Variants in PABPC4L observed in about 807,000 individuals in gnomAD.
The protein encoded by PABPC4L is polyadenylate-binding protein 4-like.
For synonymous variants in PABPC4L, 169 were observed against 164.1 expected (o/e 1.03, Z -0.23); for missense variants, 452 against 451.4 (o/e 1.00, Z -0.01).
chr4:133,959,160 T>C, the PABPC4L span, among the ~76,000 whole-genome samples: 1 of 131,258 alleles, frequency 7.6e-6, no homozygotes, highest in Non-Finnish European at 1.5e-5. Context: ...TCAGCAAAAT[T>C]TCTTTAAGTA....
chr4:134,016,002 A>G, the PABPC4L span, among the ~76,000 whole-genome samples: 1 of 151,996 alleles, frequency 6.6e-6, no homozygotes, highest in Non-Finnish European at 1.5e-5. Context: ...TCCGGATACC[A>G]CACCTGACCC....
At chr4:134,164,045 C>T in the PABPC4L span, among the ~76,000 whole-genome samples, 5 of 151,458 alleles carry the variant, frequency 3.3e-5, no homozygotes, top group Non-Finnish European at 7.4e-5. Flanking sequence ...GGGCGGATCA[C>T]GAGGTCAGGA....
chr4:134,018,156 A>G, the PABPC4L span, among the ~76,000 whole-genome samples: 3 of 152,108 alleles, frequency 2.0e-5, no homozygotes, highest in Middle Eastern at 0.01. Context: ...ATCCTGGCTC[A>G]AAAGCTCCCT....
the PABPC4L span, among the ~76,000 whole-genome samples, chr4:134,117,003 G>A: frequency 1.3e-5 from 2 of 151,354 alleles, no homozygotes; most frequent in East Asian, 3.9e-4. Context: ...CTCTAGGTTT[G>A]TTCTTTCTTT....
At chr4:134,112,373 C>T in the PABPC4L span, among the ~76,000 whole-genome samples, 4 of 151,882 alleles carry the variant, frequency 2.6e-5, no homozygotes, top group African/African-American at 9.6e-5. Context: ...ATGATTTTAT[C>T]GTTGTCTCTT....
chr4:134,157,410 G>A, the PABPC4L span, among the ~76,000 whole-genome samples: 2 of 151,574 alleles, frequency 1.3e-5, no homozygotes, highest in Non-Finnish European at 3.0e-5. Flanking sequence ...ATTGATGACA[G>A]ATGTTCAGTA....
the PABPC4L span, among the ~76,000 whole-genome samples, chr4:134,100,271 T>C: frequency 6.6e-6 from 1 of 151,796 alleles, no homozygotes; most frequent in African/African-American, 2.4e-5. Flanking sequence ...TTCATTCTGA[T>C]TGAATTAAGA....
At chr4:134,120,956 A>G in the PABPC4L span, among the ~76,000 whole-genome samples, 7 of 151,136 alleles carry the variant, frequency 4.6e-5, no homozygotes, top group East Asian at 7.7e-4. Context: ...GAGCTTTTTC[A>G]CATTTCTAAA....
In PABPC4L at chr4:134,200,101, C is replaced by A. The variant is rs778470961; in HGVS notation, c.919G>T (p.Glu307Ter). 2.0e-5 allele frequency: 31 copies of A among 1,551,534 alleles called. No individual in the cohort carries two copies. Among genetic ancestry groups the A allele is most frequent in the Non-Finnish European group, 2.7e-5 (31 of 1,146,958 alleles). The change falls in exon 2 of 2, where the codon GAA (glutamate) becomes TAA (stop). Residue 307 changes from glutamate (E) to a stop codon, truncating the protein, a stop_gained. Transcript: ENST00000421491. LOFTEE classifies it low-confidence loss of function (END_TRUNC). Reference protein sequence around the residue: ...IKNLDDTIDDEKLRNEFSSFG... With the variant: ...IKNLDDTIDD Reference sequence around the variant, plus strand: ...GAAGAAAATTCGTTTCGTAGTTTTTCATCATCGATGGTGTCATCAAGGTTC... The same window carrying A: ...GAAGAAAATTCGTTTCGTAGTTTTTAATCATCGATGGTGTCATCAAGGTTC...
chr4:133,997,523 A>G, the PABPC4L span, among the ~76,000 whole-genome samples: 1 of 152,110 alleles, frequency 6.6e-6, no homozygotes, highest in Admixed American at 6.6e-5. Context: ...AACCTTTTGT[A>G]TAGTTGCCAT....
At chr4:134,193,228 A>G (rs1267512461), downstream of PABPC4L, among the ~76,000 whole-genome samples, 1 of 151,654 alleles carries the variant, frequency 6.6e-6, no homozygotes, top group African/African-American at 2.4e-5. Flanking sequence ...CTTTTTAAAG[A>G]GTTGAAACTT....
At chr4:134,118,054 G>C in the PABPC4L span, among the ~76,000 whole-genome samples, 1 of 151,774 alleles carries the variant, frequency 6.6e-6, no homozygotes, top group African/African-American at 2.4e-5. Context: ...TTCCCCTACT[G>C]GGACTTAGGG....
the PABPC4L span, among the ~76,000 whole-genome samples, chr4:134,069,216 A>C: frequency 2.0e-5 from 3 of 152,028 alleles, no homozygotes; most frequent in African/African-American, 7.2e-5. Context: ...GTTTCCCTCT[A>C]TAGGTAACAT....
chr4:134,100,777 T>G, the PABPC4L span, among the ~76,000 whole-genome samples: 1 of 151,644 alleles, frequency 6.6e-6, no homozygotes, highest in South Asian at 2.1e-4. Flanking sequence ...AAATTACAGT[T>G]CAAATTTTTC....
chr4:134,077,502 T>C, the PABPC4L span, among the ~76,000 whole-genome samples: 14 of 152,302 alleles, frequency 9.2e-5, no homozygotes, highest in African/African-American at 3.4e-4. Context: ...TGACTGACCT[T>C]GTTATGTGGG....
chr4:133,970,677 A>C, the PABPC4L span, among the ~76,000 whole-genome samples: 1 of 152,130 alleles, frequency 6.6e-6, no homozygotes, highest in Admixed American at 6.5e-5. Context: ...CATACGTTGA[A>C]ATTCTAACCC....
At chr4:133,972,148 A>T in the PABPC4L span, among the ~76,000 whole-genome samples, 1 of 152,158 alleles carries the variant, frequency 6.6e-6, no homozygotes, top group Non-Finnish European at 1.5e-5. Context: ...CATTGCTTAG[A>T]TCCAGATGGA....
chr4:134,157,268 T>G, the PABPC4L span, among the ~76,000 whole-genome samples: 13,218 of 151,304 alleles, frequency 0.087, 644 homozygotes, highest in South Asian at 0.13. Flanking sequence ...GCTCTTAGTT[T>G]TTTTTTTTTT....
the PABPC4L span, among the ~76,000 whole-genome samples, chr4:133,980,649 A>G: frequency 6.6e-6 from 1 of 152,260 alleles, no homozygotes; most frequent in East Asian, 1.9e-4. Context: ...GCGCCAAGAG[A>G]ATCATGAAAA....
Sources: gnomAD v4.1 joint callset for allele counts (sites outside exome capture counted in the v4.1 genomes callset) on GRCh38, gnomAD v4.1.1 for gene constraint, MANE v1.5 for transcripts, NCBI Gene and HGNC (gene_info 2026-07-23, HGNC 2026-07-21) for gene names.